The following PRKCH variants were observed in gnomAD, a reference collection of about 807,000 sequenced individuals.
PRKCH encodes the protein protein kinase C eta type.
In PRKCH, 28 loss-of-function variants were observed where a neutral mutation model predicts 82.5. The observed-to-expected ratio is 0.34, with a 90% CI of 0.25 to 0.47. The LOEUF (loss-of-function observed/expected upper bound fraction) is 0.47, where lower values mean the gene tolerates loss of function less well. Ranked by LOEUF, PRKCH falls within the 20% of genes least tolerant of loss-of-function variation. The pLI is 1.00. For synonymous variants in PRKCH, 322 were observed against 327.4 expected (o/e 0.98, Z 0.18); for missense variants, 705 against 881.8 (o/e 0.80, Z 2.54).
At chr14:61,496,765 T>C (rs1886684847) in intron 10 of PRKCH, among the ~76,000 whole-genome samples, 1 of 152,252 alleles carries the variant, frequency 6.6e-6, no homozygotes, top group Admixed American at 6.5e-5. Flanking sequence ...CCTCAAATTC[T>C]ACGCTTTTTT....
At chr14:61,352,051 G>A (rs1242328357) in intron 1 of PRKCH, among the ~76,000 whole-genome samples, 1 of 152,104 alleles carries the variant, frequency 6.6e-6, no homozygotes, top group Admixed American at 6.5e-5. Flanking sequence ...AAGAGTAACA[G>A]CACAAAGGGG....
intron 1 of PRKCH, among the ~76,000 whole-genome samples, chr14:61,325,701 T>C (rs7141340): frequency 0.91 from 138,180 of 152,224 alleles, 62,933 homozygotes; most frequent in East Asian, 1. Context: ...ATAACTGCAA[T>C]ACGTAAATGA....
chr14:61,247,212 T>C (rs2044893026), intron 1 of PRKCH, among the ~76,000 whole-genome samples: 3 of 151,882 alleles, frequency 2.0e-5, no homozygotes, highest in Non-Finnish European at 4.4e-5. Flanking sequence ...AACTAAATGA[T>C]GACTTCCCAA....
chr14:61,191,803 T>C (rs991702250), intron 1 of PRKCH, among the ~76,000 whole-genome samples: 1 of 152,178 alleles, frequency 6.6e-6, no homozygotes, highest in Non-Finnish European at 1.5e-5. Flanking sequence ...CTATTGCAGA[T>C]TTTGTATGCT....
At chr14:61,351,271 C>CTTCT (rs1374619449) in intron 1 of PRKCH, among the ~76,000 whole-genome samples, 1 of 152,172 alleles carries the variant, frequency 6.6e-6, no homozygotes, top group Non-Finnish European at 1.5e-5. Context: ...AGGACACAGG[C>CTTCT]TTCTGGAAGA....
intron 1 of PRKCH, among the ~76,000 whole-genome samples, chr14:61,222,985 CT>C (rs1362525116): frequency 6.6e-6 from 1 of 151,972 alleles, no homozygotes; most frequent in African/African-American, 2.4e-5. Context: ...TTTTTTTCCC[CT>C]CTTCCTTTGA....
chr14:61,268,603 G>A (rs1370416317), intron 1 of PRKCH, among the ~76,000 whole-genome samples: 1 of 152,058 alleles, frequency 6.6e-6, no homozygotes, highest in Non-Finnish European at 1.5e-5. Flanking sequence ...GGGAGGCGGA[G>A]GTTACAGAGA....
chr14:61,205,263 G>C (rs1470751776), intron 1 of PRKCH, among the ~76,000 whole-genome samples: 1 of 152,198 alleles, frequency 6.6e-6, no homozygotes, highest in Non-Finnish European at 1.5e-5. Flanking sequence ...AGAGCCCATG[G>C]GTTTCCTTAT....
At chr14:61,188,423 T>TGGCTCC (rs1052709331) in intron 1 of PRKCH, among the ~76,000 whole-genome samples, 67 of 151,606 alleles carry the variant, frequency 4.4e-4, no homozygotes, top group South Asian at 3.3e-3. Context: ...GCTCCGGCTC[T>TGGCTCC]GGCTCCGGCT....
intron 10 of PRKCH, among the ~76,000 whole-genome samples, chr14:61,506,519 G>A (rs1238903494): frequency 6.6e-6 from 1 of 152,028 alleles, no homozygotes; most frequent in Non-Finnish European, 1.5e-5. Context: ...GAGTTTCTCT[G>A]GAAAGCTCGT....
chr14:61,369,000 C>T (rs1223573538), intron 1 of PRKCH, among the ~76,000 whole-genome samples: 1 of 152,100 alleles, frequency 6.6e-6, no homozygotes, highest in Non-Finnish European at 1.5e-5. Flanking sequence ...ATTCTACACC[C>T]AAGCTGTGTA....
chr14:61,271,957 G>A (rs1239797697), intron 1 of PRKCH, among the ~76,000 whole-genome samples: 1 of 152,226 alleles, frequency 6.6e-6, no homozygotes. Context: ...CGGGCGCGGT[G>A]GCTCACGCCT....
chr14:61,233,419 A>G (rs1163538740), intron 1 of PRKCH, among the ~76,000 whole-genome samples: 1 of 152,130 alleles, frequency 6.6e-6, no homozygotes, highest in Non-Finnish European at 1.5e-5. Flanking sequence ...AAAAAGAAAA[A>G]AAAGCCAGAG....
At chr14:61,316,056 G>C (rs1003727825) in intron 1 of PRKCH, among the ~76,000 whole-genome samples, 33 of 151,902 alleles carry the variant, frequency 2.2e-4, no homozygotes, top group African/African-American at 8.0e-4. Flanking sequence ...CCTATTTACT[G>C]TTTTTTTCTA....
chr14:61,353,647 C>A (rs1408329918), intron 1 of PRKCH: 1 of 152,146 alleles, frequency 6.6e-6, no homozygotes, highest in Non-Finnish European at 1.5e-5. Flanking sequence ...TAATGAGAAT[C>A]AGGCTGGGCA....
At chr14:61,229,361 G>A (rs978435627) in intron 1 of PRKCH, among the ~76,000 whole-genome samples, 2 of 152,134 alleles carry the variant, frequency 1.3e-5, no homozygotes, top group African/African-American at 4.8e-5. Context: ...ACCTCTTGGG[G>A]TAAAAAAGGC....
intron 1 of PRKCH, among the ~76,000 whole-genome samples, chr14:61,283,988 G>C (rs2045293733): frequency 1.3e-5 from 2 of 152,184 alleles, no homozygotes; most frequent in African/African-American, 4.8e-5. Context: ...TGTCAGAGAA[G>C]TGTGTATCCT....
At chr14:61,253,665 C>T (rs1180638461) in intron 1 of PRKCH, among the ~76,000 whole-genome samples, 2 of 152,176 alleles carry the variant, frequency 1.3e-5, no homozygotes, top group Non-Finnish European at 2.9e-5. Context: ...CTTGGTGGTT[C>T]AACTCTCTGC....
At chr14:61,386,957 A>G (rs950967945) in intron 1 of PRKCH, among the ~76,000 whole-genome samples, 1 of 152,232 alleles carries the variant, frequency 6.6e-6, no homozygotes, top group Non-Finnish European at 1.5e-5. Context: ...CCAAAGAATC[A>G]AGCAAGGCTT....
Sources: allele counts gnomAD v4.1 joint callset (sites outside exome capture counted in the v4.1 genomes callset), GRCh38; gene constraint gnomAD v4.1.1; transcripts MANE v1.5; gene names NCBI Gene and HGNC (gene_info 2026-07-23, HGNC 2026-07-21).